The following ZBTB8A variants were observed in gnomAD, a reference collection of about 807,000 sequenced individuals.
ZBTB8A encodes zinc finger and BTB domain-containing protein 8A.
ZBTB8A carries 19 observed loss-of-function variants against 37.8 expected under a neutral mutation model. The observed-to-expected ratio is 0.50, with a 90% CI of 0.35 to 0.74. The LOEUF is 0.74. Ranked by LOEUF, ZBTB8A falls within the 30% of genes least tolerant of loss-of-function variation. The pLI, the probability that ZBTB8A is intolerant of heterozygous loss-of-function variation, is 0.01. For synonymous variants in ZBTB8A, 181 were observed against 185.2 expected (o/e 0.98, Z 0.19); for missense variants, 394 against 537.8 (o/e 0.73, Z 2.65).
chr1:32,577,249 C>T (rs1470362129), intron 2 of ZBTB8A, among the ~76,000 whole-genome samples: 1 of 151,784 alleles, frequency 6.6e-6, no homozygotes, highest in African/African-American at 2.4e-5. Flanking sequence ...GGCTGGAGTG[C>T]AGTGGCGCGA....
chr1:32,550,383 G>A (rs1461206798), intron 1 of ZBTB8A, among the ~76,000 whole-genome samples: 2 of 152,032 alleles, frequency 1.3e-5, no homozygotes, highest in Non-Finnish European at 2.9e-5. Flanking sequence ...GGAGGCCAAG[G>A]TGGTGGGTGG....
chr1:32,548,301 C>A (rs1283090934), intron 1 of ZBTB8A, among the ~76,000 whole-genome samples: 2 of 151,848 alleles, frequency 1.3e-5, no homozygotes, highest in African/African-American at 4.8e-5. Context: ...AGTCAAAAAA[C>A]ATTTTTTTTT....
In ZBTB8A at chr1:32,592,962, C is replaced by A; in HGVS notation, c.31C>A (p.Leu11Met). The change falls in exon 3 of 5, where the codon CTG becomes ATG. Residue 11 changes from leucine (L) to methionine (M), a missense_variant. Transcript: ENST00000373510. The stretch of plus-strand genomic sequence containing the variant: ...GATCTCCTCTCATCAGTCTCACCTC[C>A]TGCAGCAACTGAACGAGCAGCGCAG... MEISSHQSHL[L>M]QQLNEQRRQD... 1 of 1,613,362 alleles carries A rather than the reference C, an allele frequency of 6.2e-7. No homozygotes were observed. Among genetic ancestry groups the A allele is most frequent in the Non-Finnish European group, 8.5e-7 (1 of 1,179,540 alleles).
At chr1:32,591,369 C>G (rs1243009717) in intron 2 of ZBTB8A, among the ~76,000 whole-genome samples, 1 of 151,116 alleles carries the variant, frequency 6.6e-6, no homozygotes, top group African/African-American at 2.5e-5. Flanking sequence ...CTCCATCACA[C>G]CTGGCTAATT....
At chr1:32,558,110 CTG>C (rs1393262468) in intron 2 of ZBTB8A, among the ~76,000 whole-genome samples, 1 of 152,052 alleles carries the variant, frequency 6.6e-6, no homozygotes, top group Non-Finnish European at 1.5e-5. Flanking sequence ...TATATAAACT[CTG>C]TGAGCTTGAT....
At chr1:32,578,145 A>G (rs2148238087) in intron 2 of ZBTB8A, among the ~76,000 whole-genome samples, 1 of 151,102 alleles carries the variant, frequency 6.6e-6, no homozygotes, top group African/African-American at 2.4e-5. Flanking sequence ...GCTTACTGCA[A>G]CCTCTACCTC....
At chr1:32,560,615 C>CTTTTTTTTTTTTTTTTTTTTTTTTTT (rs1170510859) in intron 2 of ZBTB8A, among the ~76,000 whole-genome samples, 19 of 90,806 alleles carry the variant, frequency 2.1e-4, no homozygotes, top group East Asian at 3.7e-4. Flanking sequence ...TCTTTTCTTT[C>CTTTTTTTTTTTTTTTTTTTTTTTTTT]TTTTTTTTTT....
chr1:32,583,263 C>G (rs1228220036), intron 2 of ZBTB8A, among the ~76,000 whole-genome samples: 1 of 151,480 alleles, frequency 6.6e-6, no homozygotes, highest in East Asian at 1.9e-4. Flanking sequence ...GCCTGTAGTC[C>G]TAGCTACTCT....
intron 2 of ZBTB8A, among the ~76,000 whole-genome samples, chr1:32,590,315 C>T (rs567802652): frequency 4.3e-4 from 66 of 152,042 alleles, no homozygotes; most frequent in Non-Finnish European, 8.8e-4. Context: ...AGGCAAACCA[C>T]TGGGCTTCAG....
intron 1 of ZBTB8A, among the ~76,000 whole-genome samples, chr1:32,543,751 A>G (rs1417206751): frequency 2.6e-5 from 4 of 152,120 alleles, no homozygotes; most frequent in Non-Finnish European, 4.4e-5. Context: ...ATCTCGGCTC[A>G]CTGCAAGCTC....
chr1:32,601,785 A>G lies in ZBTB8A; in HGVS notation c.*1366A>G, dbSNP rs773494912. On this transcript the variant is annotated 3_prime_UTR_variant, in exon 5 of 5. Coordinates refer to ENST00000373510, the MANE Select transcript of ZBTB8A (RefSeq NM_001040441.3). ...ATAAAAATAAGCCAATCAGAATTAGAAAGTATGAAAGGAGGAATTGAATCA... is the reference window on the plus strand; with the variant it reads ...ATAAAAATAAGCCAATCAGAATTAGGAAGTATGAAAGGAGGAATTGAATCA... 5.3e-5 allele frequency: 21 copies of G among 397,656 alleles called. No homozygotes were observed. Among genetic ancestry groups the G allele is most frequent in the Non-Finnish European group, 9.3e-5 (21 of 225,706 alleles). 24.6% of individuals were successfully genotyped at this position (397,656 alleles called of 1,614,324 possible).
chr1:32,605,775 A>G lies in ZBTB8A; in HGVS notation c.*5356A>G, dbSNP rs1456346919. The G allele has an allele frequency of 2.0e-5, 3 of 151,792 alleles. No homozygotes were observed. The highest frequency in any genetic ancestry group is 1.9e-4 in the East Asian group (1 of 5,194). 9.4% of individuals were successfully genotyped at this position (151,792 alleles called of 1,614,324 possible). A position where few individuals can be genotyped will look rare whatever the true frequency, so the allele number is the denominator to read the frequency against. ...GAAATGGTAGCAAAAAATAGGAAAT[A>G]TAATGATCACATTTTCTGAATCCTA... is the stretch of plus-strand genomic sequence containing the variant. On this transcript the variant is annotated 3_prime_UTR_variant, in exon 5 of 5. Transcript: ENST00000373510.
At chr1:32,554,097 G>A (rs1185405699) in intron 2 of ZBTB8A, among the ~76,000 whole-genome samples, 1 of 150,864 alleles carries the variant, frequency 6.6e-6, no homozygotes, top group African/African-American at 2.4e-5. Context: ...GTGCTTGTGA[G>A]GCTGAGACAG....
At chr1:32,555,038 G>A (rs773269229) in intron 2 of ZBTB8A, among the ~76,000 whole-genome samples, 67 of 152,240 alleles carry the variant, frequency 4.4e-4, no homozygotes, top group African/African-American at 1.3e-3. Context: ...CAGCTGCATC[G>A]TGCAGCCTTG....
intron 1 of ZBTB8A, among the ~76,000 whole-genome samples, chr1:32,546,403 C>T (rs1351688974): frequency 6.6e-6 from 1 of 151,656 alleles, no homozygotes; most frequent in Non-Finnish European, 1.5e-5. Flanking sequence ...AAGATCATGC[C>T]ACTGCACTCC....
chr1:32,572,427 A>T (rs1189260658), intron 2 of ZBTB8A, among the ~76,000 whole-genome samples: 1 of 149,572 alleles, frequency 6.7e-6, no homozygotes, highest in African/African-American at 2.5e-5. Context: ...ACAGAGTCTC[A>T]CTCTGTTACC....
chr1:32,571,153 G>A lies in ZBTB8A; in HGVS notation c.-2+17613G>A, dbSNP rs559715801. The stretch of plus-strand genomic sequence containing the variant: ...AGCCTCCCAAAGTGCTGGGATTACA[G>A]GCGTGAGCCACCACACCCGGCCTAT... On this transcript the variant is annotated intron_variant, in intron 2 of 4. Coordinates refer to ENST00000373510, the MANE Select transcript of ZBTB8A (RefSeq NM_001040441.3). Among the ~76,000 whole-genome samples the A allele has an allele frequency of 5.9e-5, 9 of 152,292 alleles. No homozygotes were observed. In the East Asian group the frequency reaches 1.7e-3, roughly 29 times the overall value.
In ZBTB8A at chr1:32,549,352, C is replaced by T. The variant is rs147967967; in HGVS notation, c.-83-4107C>T. 3.5e-4 allele frequency among the ~76,000 whole-genome samples: 53 copies of T among 152,002 alleles called. 1 individual carries two copies. Among genetic ancestry groups the T allele is most frequent in the Middle Eastern group, 3.4e-3 (1 of 294 alleles). ...CTACTAAAAATATAAAAATTAGCCACGCATGGTGGGATGTTCCTGTAATCC... is the reference window on the plus strand; with the variant it reads ...CTACTAAAAATATAAAAATTAGCCATGCATGGTGGGATGTTCCTGTAATCC... On this transcript the variant is annotated intron_variant, in intron 1 of 4. Coordinates refer to ENST00000373510, the MANE Select transcript of ZBTB8A (RefSeq NM_001040441.3).
chr1:32,598,270 T>C (rs1352447588), intron 4 of ZBTB8A, among the ~76,000 whole-genome samples: 2 of 143,238 alleles, frequency 1.4e-5, no homozygotes, highest in Non-Finnish European at 3.0e-5. Flanking sequence ...TCTCACTGTG[T>C]CATCTAAGCT....
Sources: allele counts gnomAD v4.1 joint callset (sites outside exome capture counted in the v4.1 genomes callset), GRCh38; gene constraint gnomAD v4.1.1; transcripts MANE v1.5; gene names NCBI Gene and HGNC (gene_info 2026-07-23, HGNC 2026-07-21).